EIF2B3: variants seen among roughly 807,000 people sequenced by gnomAD.
EIF2B3 encodes the protein translation initiation factor eIF2B subunit gamma.
EIF2B3 carries 20 observed loss-of-function variants against 54.1 expected under a neutral mutation model. That is an observed-to-expected ratio of 0.37 (90% CI 0.26 to 0.54). EIF2B3 has a LOEUF of 0.54. EIF2B3 is among the 20% of genes least tolerant of loss of function. EIF2B3 has a pLI of 0.86. For missense variants in EIF2B3, 448 were observed against 547.8 expected (o/e 0.82, Z 1.82); for synonymous variants, 153 against 188.1 (o/e 0.81, Z 1.52).
intron 4 of EIF2B3, 49 bp downstream of exon 4, chr1:44,941,457 T>G: frequency 6.4e-7 from 1 of 1,563,544 alleles, no homozygotes; most frequent in East Asian, 2.2e-5. Flanking sequence ...TGAGTGAGAA[T>G]AATAATTACG....
intron 3 of EIF2B3, among the ~76,000 whole-genome samples, chr1:44,963,395 G>C (rs935634448): frequency 2.0e-5 from 3 of 151,400 alleles, no homozygotes; most frequent in African/African-American, 7.3e-5. Context: ...TCAGCCTCTT[G>C]AGTAGCTGGG....
chr1:44,851,026 T>C (rs747794495), intron 11 of EIF2B3, 23 bp from the exon 12 acceptor site: 1 of 1,612,198 alleles, frequency 6.2e-7, no homozygotes, highest in Non-Finnish European at 8.5e-7. Context: ...AGGAAAAAAG[T>C]TTTCTGAGAA....
Position 44,897,303 on chromosome 1 carries a change from C to CTT in EIF2B3, c.656+51_656+52insAA, listed in dbSNP as rs1221656593. On this transcript the variant is annotated intron_variant, in intron 6 of 11. Coordinates refer to ENST00000360403, the MANE Select transcript of EIF2B3 (RefSeq NM_020365.5). ...GAAGGTTTAAAATTTAAGGAATTCA[C>CTT]AAAGTAGCTTGTTAAGTACTGTAGG... 40 of 1,365,914 alleles carry CTT rather than the reference C, an allele frequency of 2.9e-5. No individual in the cohort carries two copies. The East Asian group carries it at 9.2e-4, about 31-fold the overall frequency. 84.6% of individuals were successfully genotyped at this position (1,365,914 alleles called of 1,614,324 possible). A position where few individuals can be genotyped will look rare whatever the true frequency, so the allele number is the denominator to read the frequency against.
At chr1:44,869,593 CTTTTTTTTTTTT>C (rs60006087) in intron 10 of EIF2B3, among the ~76,000 whole-genome samples, 4 of 71,188 alleles carry the variant, frequency 5.6e-5, no homozygotes, top group Non-Finnish European at 7.3e-5. Flanking sequence ...GAGGTAAGGC[CTTTTTTTTTTTT>C]TTTTTTTTTT....
At chr1:44,873,643 ATTTATTTT>A (rs1193095667) in intron 10 of EIF2B3, among the ~76,000 whole-genome samples, 1 of 150,888 alleles carries the variant, frequency 6.6e-6, no homozygotes, top group East Asian at 1.9e-4. Flanking sequence ...TTTTTTATTT[ATTTATTTT>A]TTTTTTTGAG....
rs760370916 is a variant in EIF2B3, at chr1:44,878,814, G to A, written c.975+1004C>T. On this transcript the variant is annotated intron_variant, in intron 8 of 11. Coordinates refer to ENST00000360403, the MANE Select transcript of EIF2B3 (RefSeq NM_020365.5). The stretch of plus-strand genomic sequence containing the variant: ...GTTGCTTAGGCTTAGGCTGGAGTGC[G>A]GTGGTGCAATCTCAGCTCACTGCAA... Among the ~76,000 whole-genome samples the A allele has an allele frequency of 6.0e-5, 9 of 150,420 alleles. No homozygotes were observed. In the South Asian group the frequency reaches 8.4e-4, roughly 14 times the overall value.
intron 10 of EIF2B3, among the ~76,000 whole-genome samples, chr1:44,871,785 G>A (rs964747101): frequency 6.6e-6 from 1 of 152,052 alleles, no homozygotes; most frequent in African/African-American, 2.4e-5. Context: ...GGTAGTTGGG[G>A]AAGGTTCCTC....
chr1:44,876,193 C>T (rs552794732), intron 8 of EIF2B3, among the ~76,000 whole-genome samples: 356 of 152,112 alleles, frequency 2.3e-3, no homozygotes, highest in Non-Finnish European at 4.4e-3. Flanking sequence ...AGCCTCTGCC[C>T]GGCCGCCACA....
At chr1:44,954,160 A>G (rs1286897226) in intron 3 of EIF2B3, among the ~76,000 whole-genome samples, 1 of 152,142 alleles carries the variant, frequency 6.6e-6, no homozygotes, top group Non-Finnish European at 1.5e-5. Context: ...AGACAAAACA[A>G]CTCATATAAA....
chr1:44,865,937 A>AT lies in EIF2B3; in HGVS notation c.1203-8131dup, dbSNP rs1478747558. ...CTCCCTCTCTATAATCATGTACAAT[A>AT]TTTTTTTCTAGAAGCAGAGAGGGAT... On this transcript the variant is annotated intron_variant, in intron 10 of 11. Coordinates refer to ENST00000360403, the MANE Select transcript of EIF2B3 (RefSeq NM_020365.5). Among the ~76,000 whole-genome samples, 11 of 151,934 alleles carry AT rather than the reference A, an allele frequency of 7.2e-5. No homozygotes were observed. The South Asian group carries it at 1.7e-3, about 23-fold the overall frequency.
chr1:44,943,080 A>G (rs1424113714), intron 3 of EIF2B3, among the ~76,000 whole-genome samples: 2 of 151,032 alleles, frequency 1.3e-5, no homozygotes, highest in Non-Finnish European at 3.0e-5. Flanking sequence ...GATGGTCTTG[A>G]TTTCCTGACC....
chr1:44,929,252 G>C (rs979852492), intron 4 of EIF2B3, among the ~76,000 whole-genome samples: 5 of 152,180 alleles, frequency 3.3e-5, no homozygotes, highest in Non-Finnish European at 5.9e-5. Context: ...CTGTAAAGAT[G>C]AATTTGCTTC....
At position 44,879,988 on chromosome 1, in the gene EIF2B3, C is replaced by A. The variant is rs756123675; in HGVS notation, c.805G>T (p.Glu269Ter). ...KSLDIYSFIK[E>*]ANTLNLAPYD... ...GGAGCCAGGTTCAGTGTATTGGCTT[C>A]TTTTATAAAACTGTAGATATCTTCA... Residue 269 changes from glutamate to a stop codon, truncating the protein, a stop_gained, in exon 8 of 12, where the codon GAA becomes TAA. Transcript: ENST00000360403. LOFTEE classifies it high-confidence loss of function. 6.2e-7 allele frequency: 1 copy of A among 1,613,922 alleles called. No homozygotes were observed. The highest frequency in any genetic ancestry group is 8.5e-7 in the Non-Finnish European group (1 of 1,180,000).
At chr1:44,869,580 A>C (rs1573691004) in intron 10 of EIF2B3, among the ~76,000 whole-genome samples, 3 of 150,198 alleles carry the variant, frequency 2.0e-5, no homozygotes, top group Admixed American at 6.6e-5. Flanking sequence ...AATCAGGCAC[A>C]AAGAGGTAAG....
intron 3 of EIF2B3, among the ~76,000 whole-genome samples, chr1:44,973,605 G>A (rs1022794225): frequency 2.0e-5 from 3 of 152,160 alleles, no homozygotes; most frequent in African/African-American, 7.2e-5. Context: ...TCAGGAGGCT[G>A]AGGCACAAGA....
At position 44,879,887 on chromosome 1, in the gene EIF2B3, G is replaced by A; in HGVS notation, c.906C>T (p.Val302=). 4 of 1,614,122 alleles carry A rather than the reference G, an allele frequency of 2.5e-6. No individual in the cohort carries two copies. Among genetic ancestry groups the A allele is most frequent in the Non-Finnish European group, 3.4e-6 (4 of 1,180,022 alleles). The change falls in exon 8 of 12, where the codon GTC becomes GTT. Residue 302 remains valine (V), a synonymous_variant. Transcript: ENST00000360403. The part of the protein sequence containing the change: ...DLSRSQVRCY[V]HIMKEGLCSR... Reference sequence around the variant, plus strand: ...AGCAGAGCCCCTCTTTCATGATGTGGACATAGCAGCGCACCTGTGATCTGG... The same window carrying A: ...AGCAGAGCCCCTCTTTCATGATGTGAACATAGCAGCGCACCTGTGATCTGG...
chr1:44,851,284 C>T (rs902359147), intron 11 of EIF2B3, among the ~76,000 whole-genome samples: 8 of 152,118 alleles, frequency 5.3e-5, no homozygotes, highest in East Asian at 1.9e-4. Context: ...AGGCTGGTCT[C>T]GAACTCCTAA....
intron 4 of EIF2B3, among the ~76,000 whole-genome samples, chr1:44,936,740 GAAAT>G (rs1182779732): frequency 6.6e-6 from 1 of 152,154 alleles, no homozygotes; most frequent in Non-Finnish European, 1.5e-5. Context: ...CATTTTACAT[GAAAT>G]AAATATGTGA....
chr1:44,965,893 GCC>G (rs1377016783), intron 3 of EIF2B3, among the ~76,000 whole-genome samples: 1 of 151,966 alleles, frequency 6.6e-6, no homozygotes, highest in East Asian at 1.9e-4. Flanking sequence ...ACCCGCCTCA[GCC>G]TCCCAAAGTG....
Sources: allele counts gnomAD v4.1 joint callset (sites outside exome capture counted in the v4.1 genomes callset), GRCh38; gene constraint gnomAD v4.1.1; transcripts MANE v1.5; gene names NCBI Gene and HGNC (gene_info 2026-07-23, HGNC 2026-07-21).